Variants in DSE observed in about 807,000 individuals in gnomAD.
DSE encodes the protein dermatan sulfate epimerase.
DSE carries 36 observed loss-of-function variants against 84.4 expected under a neutral mutation model. The observed-to-expected ratio is 0.43, with a 90% CI of 0.33 to 0.56. The LOEUF (loss-of-function observed/expected upper bound fraction) is 0.56. DSE is among the 20% of genes least tolerant of loss of function. The probability of loss-of-function intolerance (pLI) is 0.06; values close to 1 mark genes in which losing one functional copy is unlikely to be tolerated. For synonymous variants in DSE, 410 were observed against 430.1 expected, an observed-to-expected ratio of 0.95 and a Z score of 0.58; for missense variants, 862 against 1,169.6, an observed-to-expected ratio of 0.74 and a Z score of 3.84.
intron 2 of DSE, among the ~76,000 whole-genome samples, chr6:116,360,259 T>A (rs538863268): frequency 1.3e-5 from 2 of 152,120 alleles, no homozygotes; most frequent in African/African-American, 4.8e-5. Context: ...ACCTAGGTGA[T>A]GGGTTGATAG....
rs76186865 is a variant in DSE at position 116,399,303 on chromosome 6, G to T, written c.53G>T (p.Cys18Phe). 10,028 of 1,613,958 alleles carry T rather than the reference G, an allele frequency of 6.2e-3. 368 individuals are homozygous for T. The African/African-American group carries it at 0.1, about 16-fold the overall frequency. The stretch of plus-strand genomic sequence containing the variant: ...AGTGTGTTTTTCATATATTTGCTTT[G>T]CTTTGTGTCAGCCTACATCACCGAC... ...APSVFFIYLLCFVSAYITDEN... is the reference protein window; with the variant it reads ...APSVFFIYLLFFVSAYITDEN... The change falls in exon 2 of 6, where the codon TGC becomes TTC. Residue 18 changes from cysteine to phenylalanine, a missense_variant. Cys to Phe is a radical substitution (Grantham distance 205). Around this residue, in one of 4 missense-constraint regions of DSE, gnomAD observed 52 missense variants for 49.6 expected, o/e 1.05. Coordinates refer to ENST00000644252, the MANE Select transcript of DSE (RefSeq NM_013352.4).
intron 2 of DSE, among the ~76,000 whole-genome samples, chr6:116,416,067 C>CT (rs1782686076): frequency 6.6e-6 from 1 of 152,142 alleles, no homozygotes; most frequent in South Asian, 2.1e-4. Context: ...TATTCCTTTG[C>CT]TTGTAGCTCC....
chr6:116,285,091 C>G (rs1024163788), intron 2 of DSE, among the ~76,000 whole-genome samples: 110 of 152,312 alleles, frequency 7.2e-4, no homozygotes, highest in African/African-American at 2.6e-3. Flanking sequence ...TGAGGACTCG[C>G]CACACTGACT....
At chr6:116,358,168 C>A (rs1031921376) in intron 2 of DSE, among the ~76,000 whole-genome samples, 1 of 152,192 alleles carries the variant, frequency 6.6e-6, no homozygotes, top group Non-Finnish European at 1.5e-5. Flanking sequence ...AATTCCTGAT[C>A]ATGAGTCTCT....
intron 2 of DSE, among the ~76,000 whole-genome samples, chr6:116,311,301 G>C (rs9488898): frequency 0.023 from 3,550 of 152,102 alleles, 143 homozygotes; most frequent in African/African-American, 0.08. Context: ...TCTCCCACCA[G>C]AATATAAGCA....
intron 2 of DSE, among the ~76,000 whole-genome samples, chr6:116,403,322 T>C (rs1043156190): frequency 3.3e-5 from 5 of 152,036 alleles, no homozygotes; most frequent in African/African-American, 1.2e-4. Flanking sequence ...TAAAAAGGTA[T>C]TATTTTAATC....
chr6:116,278,626 G>C, intron 2 of DSE: 1 of 1,614,114 alleles, frequency 6.2e-7, no homozygotes, highest in Non-Finnish European at 8.5e-7. Flanking sequence ...CAGTGGATTT[G>C]GCCACAGATC....
Position 116,425,598 on chromosome 6 carries a change from T to A in DSE, c.417-976T>A, listed in dbSNP as rs570242121. On this transcript the variant is annotated intron_variant, in intron 2 of 5. Coordinates refer to ENST00000644252, the MANE Select transcript of DSE (RefSeq NM_013352.4). Reference sequence around the variant, plus strand: ...AAAATGACAATGTAATTCTTTTTTTTATTTTATTTTATTTATTTTTATTTT... The same window carrying A: ...AAAATGACAATGTAATTCTTTTTTTAATTTTATTTTATTTATTTTTATTTT... Among the ~76,000 whole-genome samples the A allele has an allele frequency of 2.0e-3, 245 of 122,180 alleles. 5 individuals are homozygous for A. Among genetic ancestry groups the A allele is most frequent in the African/African-American group, 5.5e-3 (216 of 39,480 alleles). 80.2% of individuals were successfully genotyped at this position (122,180 alleles called of 152,430 possible).
intron 2 of DSE, among the ~76,000 whole-genome samples, chr6:116,358,627 G>C (rs1462846310): frequency 3.3e-5 from 5 of 152,154 alleles, no homozygotes; most frequent in African/African-American, 1.2e-4. Flanking sequence ...ATTTCTTGTT[G>C]TGCCTCATAA....
At chr6:116,414,719 A>C (rs746510873) in intron 2 of DSE, among the ~76,000 whole-genome samples, 1 of 152,212 alleles carries the variant, frequency 6.6e-6, no homozygotes, top group Admixed American at 6.5e-5. Context: ...GCCTGTTTGC[A>C]TATTTTAACA....
At chr6:116,279,270 C>T (rs1773331335) in intron 2 of DSE, 1 of 1,601,898 alleles carries the variant, frequency 6.2e-7, no homozygotes, top group Non-Finnish European at 8.5e-7. Context: ...CCATCTGCTC[C>T]TCCATTACCT....
intron 2 of DSE, among the ~76,000 whole-genome samples, chr6:116,409,365 C>T (rs963291998): frequency 2.0e-5 from 3 of 152,214 alleles, no homozygotes; most frequent in Non-Finnish European, 2.9e-5. Flanking sequence ...CAAGCTCCGC[C>T]TCCTGGGTTC....
At chr6:116,435,255 G>A (rs1356993577) in intron 5 of DSE, among the ~76,000 whole-genome samples, 4 of 152,146 alleles carry the variant, frequency 2.6e-5, no homozygotes, top group Admixed American at 6.5e-5. Flanking sequence ...CCAGAAATTT[G>A]GATGAAGTGC....
At chr6:116,352,611 G>T (rs1778367269) in intron 2 of DSE, among the ~76,000 whole-genome samples, 1 of 152,026 alleles carries the variant, frequency 6.6e-6, no homozygotes, top group South Asian at 2.1e-4. Flanking sequence ...AAGAAATTGA[G>T]AAATAAAAAA....
intron 2 of DSE, among the ~76,000 whole-genome samples, chr6:116,264,388 T>G (rs1242762397): frequency 6.6e-6 from 1 of 152,116 alleles, no homozygotes; most frequent in East Asian, 1.9e-4. Context: ...ATACCCATGA[T>G]TGCATTATGA....
chr6:116,369,889 C>CTT (rs1562259582), upstream of DSE: 17 of 1,288,756 alleles, frequency 1.3e-5, no homozygotes, highest in Admixed American at 3.4e-4. Flanking sequence ...TGGAGAAAAG[C>CTT]ACTGCTCCCA....
chr6:116,294,684 A>G (rs1334464751), intron 2 of DSE, among the ~76,000 whole-genome samples: 1 of 152,204 alleles, frequency 6.6e-6, no homozygotes, highest in Non-Finnish European at 1.5e-5. Flanking sequence ...GGGTACCTGA[A>G]TCATGGCATT....
intron 2 of DSE, among the ~76,000 whole-genome samples, chr6:116,401,744 T>C (rs1781605631): frequency 6.6e-6 from 1 of 152,174 alleles, no homozygotes; most frequent in Admixed American, 6.5e-5. Flanking sequence ...GATTTTACAG[T>C]TCAACTACCT....
chr6:116,341,853 A>C (rs975785418), intron 2 of DSE, among the ~76,000 whole-genome samples: 12 of 151,672 alleles, frequency 7.9e-5, no homozygotes, highest in South Asian at 2.1e-4. Context: ...TGGTCTATAT[A>C]TCTGTTTTGG....
Sources: allele counts gnomAD v4.1 joint callset (sites outside exome capture counted in the v4.1 genomes callset), GRCh38; gene constraint gnomAD v4.1.1; regional missense constraint gnomAD v4.1.1; transcripts MANE v1.5; gene names NCBI Gene and HGNC (gene_info 2026-07-23, HGNC 2026-07-21).